The following EHMT1 variants were observed in gnomAD, a reference collection of about 807,000 sequenced individuals.
The protein encoded by EHMT1 is euchromatic histone lysine methyltransferase 1.
EHMT1 carries 15 observed loss-of-function variants against 147.2 expected under a neutral mutation model. The ratio of observed to expected loss-of-function variants is 0.10; its 90% CI spans 0.07 to 0.16. The LOEUF is 0.16. Among genes scored for constraint, EHMT1 ranks in the 10% least tolerant of loss-of-function variants. The pLI is 1.00. For missense variants in EHMT1, 1,587 were observed against 1,772.4 expected (o/e 0.90, Z 1.88); for synonymous variants, 795 against 709.6 (o/e 1.12, Z -1.91).
intron 1 of EHMT1, among the ~76,000 whole-genome samples, chr9:137,681,185 G>T (rs970665872): frequency 1.3e-5 from 2 of 152,182 alleles, no homozygotes; most frequent in African/African-American, 4.8e-5. Flanking sequence ...AAAGGAGGGA[G>T]AACTGGGTGG....
At chr9:137,700,276 G>A (rs764537794) in intron 1 of EHMT1, among the ~76,000 whole-genome samples, 10 of 152,084 alleles carry the variant, frequency 6.6e-5, no homozygotes, top group Admixed American at 2.6e-4. Context: ...CCACCTCCCC[G>A]GGAGCTGCTT....
chr9:137,635,864 G>A (rs1337576352), intron 1 of EHMT1, among the ~76,000 whole-genome samples: 1 of 151,836 alleles, frequency 6.6e-6, no homozygotes, highest in Non-Finnish European at 1.5e-5. Flanking sequence ...TATAAGTTTT[G>A]TAGTTATTTC....
At chr9:137,754,949 C>T (rs1014143893) in intron 8 of EHMT1, among the ~76,000 whole-genome samples, 4 of 152,164 alleles carry the variant, frequency 2.6e-5, no homozygotes, top group African/African-American at 4.8e-5. Context: ...ACCTGTGCCT[C>T]GGTCAGAGTC....
chr9:137,728,976 T>C (rs1318818466), intron 4 of EHMT1, among the ~76,000 whole-genome samples: 1 of 152,204 alleles, frequency 6.6e-6, no homozygotes, highest in Non-Finnish European at 1.5e-5. Context: ...TCTCCTGGGC[T>C]GGCTGCTTCT....
In EHMT1 at chr9:137,728,404, C is replaced by T; in HGVS notation, c.698C>T (p.Pro233Leu). The change falls in exon 4 of 27, where the codon CCA becomes CTA. Residue 233 changes from proline to leucine, a missense_variant. This residue lies in a region of EHMT1 where 810 missense variants were observed against 673.0 expected (regional missense o/e 1.20). Transcript: ENST00000460843. ...CGAGAAGCTAGAGATCATAAGGAAC[C>T]AAAAGAGGAGATCAACAAAAACATT... is the stretch of plus-strand genomic sequence containing the variant. ...EVREARDHKE[P>L]KEEINKNISD... is the part of the protein sequence containing the mutation. 1 of 1,614,134 alleles carries T rather than the reference C, an allele frequency of 6.2e-7. No individual in the cohort carries two copies. The highest frequency in any genetic ancestry group is 8.5e-7 in the Non-Finnish European group (1 of 1,180,026).
At chr9:137,834,015 C>G in intron 25 of EHMT1, 1 of 400,072 alleles carries the variant, frequency 2.5e-6, no homozygotes. Context: ...GCCAGACAGC[C>G]CCATGGGTCC....
chr9:137,648,518 C>A (rs1564538737), intron 1 of EHMT1, among the ~76,000 whole-genome samples: 1 of 143,664 alleles, frequency 7.0e-6, no homozygotes, highest in Non-Finnish European at 1.5e-5. Flanking sequence ...AATAGTTGGG[C>A]ATGGTGCCTC....
chr9:137,712,350 G>A (rs555760485), intron 2 of EHMT1, among the ~76,000 whole-genome samples: 4 of 152,220 alleles, frequency 2.6e-5, no homozygotes, highest in African/African-American at 4.8e-5. Flanking sequence ...GCTGAGCCAC[G>A]GCCTCTCCAC....
At chr9:137,797,939 T>C (rs1588765721) in intron 16 of EHMT1, among the ~76,000 whole-genome samples, 2 of 152,232 alleles carry the variant, frequency 1.3e-5, no homozygotes, top group Admixed American at 6.5e-5. Context: ...CACAGCGGTG[T>C]GGGCGGCACC....
At chr9:137,780,354 G>A (rs575581485) in intron 14 of EHMT1, among the ~76,000 whole-genome samples, 1 of 130,156 alleles carries the variant, frequency 7.7e-6, no homozygotes, top group Non-Finnish European at 1.6e-5. Flanking sequence ...ACGCTGAGAC[G>A]TGTGGTGATG....
intron 1 of EHMT1, among the ~76,000 whole-genome samples, chr9:137,624,623 A>T (rs1199457486): frequency 6.6e-6 from 1 of 151,764 alleles, no homozygotes; most frequent in Non-Finnish European, 1.5e-5. Context: ...CCTGGACTCC[A>T]GCTGATTTTT....
chr9:137,821,993 GGTTTTA>G (rs1459718442), intron 25 of EHMT1, among the ~76,000 whole-genome samples: 1 of 152,096 alleles, frequency 6.6e-6, no homozygotes, highest in African/African-American at 2.4e-5. Context: ...TCAAGTATAT[GGTTTTA>G]GTTTTTACAA....
intron 1 of EHMT1, among the ~76,000 whole-genome samples, chr9:137,632,147 C>A (rs1270905574): frequency 2.0e-4 from 31 of 152,240 alleles, no homozygotes; most frequent in Non-Finnish European, 2.9e-5. Flanking sequence ...TGACGCATAT[C>A]TCCGAATGTA....
intron 1 of EHMT1, among the ~76,000 whole-genome samples, chr9:137,629,494 C>T (rs1025823138): frequency 2.0e-5 from 3 of 149,700 alleles, no homozygotes; most frequent in Non-Finnish European, 3.0e-5. Flanking sequence ...CCTGGGTTCT[C>T]GCCATTCTTC....
intron 1 of EHMT1, among the ~76,000 whole-genome samples, chr9:137,626,022 AT>A (rs1310843715): frequency 1.4e-5 from 2 of 146,774 alleles, no homozygotes; most frequent in Non-Finnish European, 3.0e-5. Context: ...AGCCTGGCTA[AT>A]TTTGTATTTT....
intron 1 of EHMT1, among the ~76,000 whole-genome samples, chr9:137,683,516 C>T (rs2134618745): frequency 6.6e-6 from 1 of 152,150 alleles, no homozygotes; most frequent in African/African-American, 2.4e-5. Flanking sequence ...AATCATGGCT[C>T]ATTGCAGCCT....
At chr9:137,668,290 C>T (rs1457663897) in intron 1 of EHMT1, among the ~76,000 whole-genome samples, 1 of 151,888 alleles carries the variant, frequency 6.6e-6, no homozygotes, top group Non-Finnish European at 1.5e-5. Flanking sequence ...TCTTCCTCTT[C>T]CTCCATTCTC....
At chr9:137,688,555 A>C (rs948123602) in intron 1 of EHMT1, among the ~76,000 whole-genome samples, 11 of 152,344 alleles carry the variant, frequency 7.2e-5, no homozygotes, top group South Asian at 4.1e-4. Flanking sequence ...AAGAATAAGC[A>C]TATCTGCTTT....
intron 1 of EHMT1, among the ~76,000 whole-genome samples, chr9:137,671,020 G>T (rs1940553901): frequency 6.6e-6 from 1 of 152,190 alleles, no homozygotes; most frequent in Non-Finnish European, 1.5e-5. Flanking sequence ...CGCTGTGCAC[G>T]TGGTTGAATG....
Sources: allele counts gnomAD v4.1 joint callset (sites outside exome capture counted in the v4.1 genomes callset), GRCh38; gene constraint gnomAD v4.1.1; regional missense constraint gnomAD v4.1.1; transcripts MANE v1.5; gene names NCBI Gene and HGNC (gene_info 2026-07-23, HGNC 2026-07-21).